The following RPRD1A variants were observed in gnomAD, a reference collection of about 807,000 sequenced individuals.
RPRD1A encodes the protein regulation of nuclear pre-mRNA domain containing 1A.
RPRD1A carries 9 observed loss-of-function variants against 37.8 expected under a neutral mutation model. The ratio of observed to expected loss-of-function variants is 0.24; its 90% CI spans 0.14 to 0.42. The LOEUF (loss-of-function observed/expected upper bound fraction) is 0.42, where lower values mean the gene tolerates loss of function less well. Ranked by LOEUF, RPRD1A falls within the 10% of genes least tolerant of loss-of-function variation. RPRD1A has a pLI of 1.00. For synonymous variants in RPRD1A, 138 were observed against 139.7 expected, an observed-to-expected ratio of 0.99 and a Z score of 0.08; for missense variants, 255 against 371.0, an observed-to-expected ratio of 0.69 and a Z score of 2.57.
intron 6 of RPRD1A, among the ~76,000 whole-genome samples, chr18:36,014,872 G>A (rs1910406151): frequency 1.3e-5 from 2 of 152,168 alleles, no homozygotes; most frequent in African/African-American, 2.4e-5. Context: ...TTAGGGAAAC[G>A]CAAATCAAAA....
At chr18:35,995,061 A>G (rs1045345601) in intron 6 of RPRD1A, among the ~76,000 whole-genome samples, 3 of 152,110 alleles carry the variant, frequency 2.0e-5, no homozygotes, top group East Asian at 1.9e-4. Flanking sequence ...AATGTCACCA[A>G]TGTTGAAAAG....
Position 35,993,096 on chromosome 18 carries a change from C to A in RPRD1A, c.*55G>T. Reference sequence around the variant, plus strand: ...AAAAATAACACTACAGGACTATCCACCTAACCTGTCTCCATCTCTTGCAAA... The same window carrying A: ...AAAAATAACACTACAGGACTATCCAACTAACCTGTCTCCATCTCTTGCAAA... On this transcript the variant is annotated 3_prime_UTR_variant, in exon 7 of 7. Coordinates refer to ENST00000399022, the MANE Select transcript of RPRD1A (RefSeq NM_018170.5). 6.5e-7 allele frequency: 1 copy of A among 1,537,858 alleles called. No homozygotes were observed. Among genetic ancestry groups the A allele is most frequent in the Non-Finnish European group, 8.9e-7 (1 of 1,129,510 alleles).
intron 4 of RPRD1A, 34 bp downstream of exon 4, chr18:36,030,774 G>A (rs747111928): frequency 7.5e-7 from 1 of 1,336,360 alleles, no homozygotes; most frequent in South Asian, 1.3e-5. Flanking sequence ...TGAAGTAAAA[G>A]TTTGTAACTC....
At chr18:36,015,652 A>G (rs968420811) in intron 6 of RPRD1A, among the ~76,000 whole-genome samples, 5 of 152,222 alleles carry the variant, frequency 3.3e-5, no homozygotes, top group African/African-American at 1.2e-4. Context: ...AAAGGAAGGA[A>G]ATTCTGACAT....
chr18:36,043,627 AC>A (rs1457431801), intron 1 of RPRD1A, among the ~76,000 whole-genome samples: 11 of 152,226 alleles, frequency 7.2e-5, no homozygotes, highest in Admixed American at 7.2e-4. Flanking sequence ...AAGAATATAC[AC>A]CATACCCATT....
chr18:36,045,057 T>G (rs961326427), intron 1 of RPRD1A, among the ~76,000 whole-genome samples: 4 of 151,922 alleles, frequency 2.6e-5, no homozygotes, highest in African/African-American at 9.7e-5. Context: ...CTGGGCAACG[T>G]GAAGAAACCC....
chr18:36,026,967 G>A lies in RPRD1A; in HGVS notation c.722C>T (p.Thr241Ile), dbSNP rs368751642. The A allele has an allele frequency of 5.0e-6, 8 of 1,613,870 alleles. No individual in the cohort carries two copies. The South Asian group carries it at 5.5e-5, about 11-fold the overall frequency. The change falls in exon 6 of 7, where the codon ACT becomes ATT. Residue 241 changes from threonine to isoleucine, a missense_variant. Around this residue, in one of 2 missense-constraint regions of RPRD1A, gnomAD observed 211 missense variants for 268.9 expected, o/e 0.78. Transcript: ENST00000399022. ...AAEIDDRKQL[T>I]RMLADFLRCQ... ...ACGAAGAAAATCTGCTAACATTCGA[G>A]TGAGTTGCTTTCTATCATCTATTTC...
chr18:36,051,623 T>C (rs1913404011), intron 1 of RPRD1A, among the ~76,000 whole-genome samples: 1 of 152,222 alleles, frequency 6.6e-6, no homozygotes, highest in Admixed American at 6.5e-5. Flanking sequence ...GTGTCTATTG[T>C]ATGCTAGGTT....
chr18:36,048,977 C>A (rs1913171071), intron 1 of RPRD1A, among the ~76,000 whole-genome samples: 1 of 152,232 alleles, frequency 6.6e-6, no homozygotes, highest in Non-Finnish European at 1.5e-5. Flanking sequence ...TCTCAGCTCA[C>A]TGCAACCTCC....
chr18:36,027,358 G>C (rs1172203734), intron 4 of RPRD1A, 48 bp from the exon 5 acceptor site: 2 of 1,598,354 alleles, frequency 1.3e-6, no homozygotes, highest in Admixed American at 1.7e-5. Context: ...GCTTAAACAA[G>C]TGCAAAAGAC....
In RPRD1A at chr18:36,027,236, T is replaced by C; in HGVS notation, c.561A>G (p.Ile187Met). Reference protein sequence around the residue: ...ASGDAAVHQRIASLPVEVQEV... With the variant: ...ASGDAAVHQRMASLPVEVQEV... Reference sequence around the variant, plus strand: ...CTTGGACTTCAACAGGTAAAGAAGCTATCCTCTGATGAACTGCTGCATCAC... The same window carrying C: ...CTTGGACTTCAACAGGTAAAGAAGCCATCCTCTGATGAACTGCTGCATCAC... Residue 187 changes from isoleucine (I) to methionine (M), a missense_variant, in exon 5 of 7, where the codon ATA (isoleucine) becomes ATG (methionine). Coordinates refer to ENST00000399022, the MANE Select transcript of RPRD1A (RefSeq NM_018170.5). 6.2e-7 allele frequency: 1 copy of C among 1,613,372 alleles called. No individual in the cohort carries two copies. Among genetic ancestry groups the C allele is most frequent in the Non-Finnish European group, 8.5e-7 (1 of 1,179,280 alleles).
intron 6 of RPRD1A, among the ~76,000 whole-genome samples, chr18:36,011,320 C>T (rs1910166782): frequency 6.6e-6 from 1 of 152,222 alleles, no homozygotes; most frequent in Admixed American, 6.5e-5. Flanking sequence ...AGAGTCCCCA[C>T]TCTTCACTAC....
intron 1 of RPRD1A, among the ~76,000 whole-genome samples, chr18:36,049,132 C>T (rs1371643435): frequency 6.6e-6 from 1 of 152,150 alleles, no homozygotes; most frequent in Non-Finnish European, 1.5e-5. Flanking sequence ...AAACTCCTGA[C>T]CTCAGGTGAT....
intron 6 of RPRD1A, among the ~76,000 whole-genome samples, chr18:36,001,556 T>C (rs1327056501): frequency 6.6e-6 from 1 of 152,160 alleles, no homozygotes; most frequent in Non-Finnish European, 1.5e-5. Context: ...TGAAACATCA[T>C]TCCATAAGGT....
At position 36,010,668 on chromosome 18, in the gene RPRD1A, T is replaced by A. The variant is rs534912898; in HGVS notation, c.789+16232A>T. ...ATTGTATCCAAGTGTCCTAACTTCA[T>A]CAATCATATTTGAGAATACTGGCAG... On this transcript the variant is annotated intron_variant, in intron 6 of 6. Transcript: ENST00000399022. 3.8e-4 allele frequency among the ~76,000 whole-genome samples: 58 copies of A among 152,332 alleles called. 1 individual carries two copies. The highest frequency in any genetic ancestry group is 1.4e-3 in the African/African-American group (57 of 41,562).
intron 6 of RPRD1A, chr18:36,025,498 A>C (rs1310669939): frequency 5.9e-6 from 3 of 511,700 alleles, no homozygotes; most frequent in South Asian, 4.1e-5. Context: ...CTGTTTTTGT[A>C]AACAGTGACA....
At chr18:36,062,821 G>T (rs992947781) in intron 1 of RPRD1A, among the ~76,000 whole-genome samples, 2 of 152,166 alleles carry the variant, frequency 1.3e-5, no homozygotes, top group African/African-American at 4.8e-5. Context: ...TAAATGGCAT[G>T]GAGTTTCTTT....
rs541021699 is a variant in RPRD1A at position 36,054,362 on chromosome 18, G to A, written c.151+12892C>T. On this transcript the variant is annotated intron_variant, in intron 1 of 6. Transcript: ENST00000399022. The stretch of plus-strand genomic sequence containing the variant: ...AAAAAAATTAGCCAGATGTGGTGGC[G>A]GGCGCCTGTAATCCCAGCTACTCGG... Among the ~76,000 whole-genome samples, 39 of 152,134 alleles carry A rather than the reference G, an allele frequency of 2.6e-4. No homozygotes were observed. The South Asian group carries it at 3.1e-3, about 12-fold the overall frequency.
At chr18:36,015,829 A>T (rs1296790332) in intron 6 of RPRD1A, among the ~76,000 whole-genome samples, 1 of 152,218 alleles carries the variant, frequency 6.6e-6, no homozygotes, top group Non-Finnish European at 1.5e-5. Flanking sequence ...GAAATTGTTG[A>T]ATGGGTAGGT....
Sources: gnomAD v4.1 joint callset for allele counts (sites outside exome capture counted in the v4.1 genomes callset) on GRCh38, gnomAD v4.1.1 for gene constraint, gnomAD v4.1.1 regional missense constraint, MANE v1.5 for transcripts, NCBI Gene and HGNC (gene_info 2026-07-23, HGNC 2026-07-21) for gene names.